PARL: variants seen among roughly 807,000 people sequenced by gnomAD.
PARL encodes the protein presenilin associated rhomboid like.
A neutral mutation model predicts 51.6 loss-of-function variants in PARL; 44 were observed. That is an observed-to-expected ratio of 0.85 (90% CI 0.67 to 1.10). PARL has a LOEUF of 1.10. Among genes scored for constraint, PARL ranks in the 50% least tolerant of loss-of-function variants. The pLI is 0.00. For missense variants in PARL, 441 were observed against 469.5 expected (o/e 0.94, Z 0.56); for synonymous variants, 172 against 164.0 (o/e 1.05, Z -0.37).
chr3:183,826,696 C>T (rs1319584609), downstream of PARL: 1 of 985,146 alleles, frequency 1.0e-6, no homozygotes, highest in Non-Finnish European at 1.2e-6. Flanking sequence ...CATGTCCCAG[C>T]AGGCAGCAGG....
At chr3:183,864,171 T>C (rs1328244812) in intron 3 of PARL, among the ~76,000 whole-genome samples, 1 of 152,210 alleles carries the variant, frequency 6.6e-6, no homozygotes, top group African/African-American at 2.4e-5. Context: ...ATAAAGCCTC[T>C]CTAACACAGA....
chr3:183,852,401 G>GA (rs913941057), intron 4 of PARL, among the ~76,000 whole-genome samples: 16 of 151,114 alleles, frequency 1.1e-4, no homozygotes, highest in African/African-American at 2.4e-4. Flanking sequence ...GGACCAAAAA[G>GA]AAAAAAAAAT....
At position 183,862,884 on chromosome 3, in the gene PARL, C is replaced by T. The variant is rs1732003060; in HGVS notation, c.463-83G>A. 1.1e-5 allele frequency: 12 copies of T among 1,046,584 alleles called. No individual in the cohort carries two copies. The Middle Eastern group carries it at 1.0e-3, about 87-fold the overall frequency. The allele number at this position is 1,046,584 out of a possible 1,614,324, so 64.8% of individuals were successfully genotyped here. On this transcript the variant is annotated intron_variant, in intron 3 of 9. Transcript: ENST00000317096. ...AAAAACCAGAAGAAAATGCCTCGCA[C>T]ATAAGAGGAATTCCTCTTCTGCAAA...
intron 9 of PARL, among the ~76,000 whole-genome samples, chr3:183,830,453 G>A (rs935745797): frequency 2.6e-5 from 4 of 152,192 alleles, no homozygotes; most frequent in Admixed American, 2.0e-4. Flanking sequence ...AGCACACTGC[G>A]CTCTGGGAAG....
At chr3:183,859,326 G>GT (rs2108656478) in intron 4 of PARL, among the ~76,000 whole-genome samples, 1 of 152,162 alleles carries the variant, frequency 6.6e-6, no homozygotes, top group Non-Finnish European at 1.5e-5. Flanking sequence ...GGCATCAGCT[G>GT]TAAGAAGGGG....
rs1560442485 is a variant in PARL, at chr3:183,882,269, T to TTTA, written c.125+2452_125+2453insTAA. Among the ~76,000 whole-genome samples, 214 of 30,476 alleles carry TTTA rather than the reference T, an allele frequency of 7.0e-3. 5 individuals carry two copies. The highest frequency in any genetic ancestry group is 0.025 in the Admixed American group (61 of 2,398). The allele number at this position is 30,476 out of a possible 152,430, so 20.0% of individuals were successfully genotyped here. ...TTTATATATATATATATATATATAT[T>TTTA]TATATATATATATACACACACACAT... is the stretch of plus-strand genomic sequence containing the variant. On this transcript the variant is annotated intron_variant, in intron 1 of 9. Transcript: ENST00000317096.
chr3:183,853,131 G>A (rs1256955724), intron 4 of PARL, among the ~76,000 whole-genome samples: 1 of 152,058 alleles, frequency 6.6e-6, no homozygotes, highest in African/African-American at 2.4e-5. Context: ...AGACAACTGG[G>A]ACTATATCAA....
intron 1 of PARL, among the ~76,000 whole-genome samples, chr3:183,875,248 C>T (rs1185086734): frequency 1.3e-5 from 2 of 151,890 alleles, no homozygotes; most frequent in Non-Finnish European, 2.9e-5. Flanking sequence ...AACTCCATCT[C>T]TACTAAAAAT....
chr3:183,856,255 C>A (rs187492046), intron 4 of PARL, among the ~76,000 whole-genome samples: 87 of 152,256 alleles, frequency 5.7e-4, no homozygotes, highest in Non-Finnish European at 9.7e-4. Context: ...ACTTACCATA[C>A]CACTTGGGGT....
chr3:183,851,565 A>C (rs1366224208), intron 4 of PARL, among the ~76,000 whole-genome samples: 2 of 152,206 alleles, frequency 1.3e-5, no homozygotes, highest in African/African-American at 4.8e-5. Context: ...TTAGTCATTA[A>C]GGAAAGGCAA....
intron 1 of PARL, among the ~76,000 whole-genome samples, chr3:183,875,275 C>T (rs906258876): frequency 6.6e-6 from 1 of 151,740 alleles, no homozygotes. Flanking sequence ...ATTACCTGGG[C>T]GTGGTGGCGG....
chr3:183,836,344 T>C (rs1437383755), intron 7 of PARL, among the ~76,000 whole-genome samples: 3 of 151,968 alleles, frequency 2.0e-5, no homozygotes, highest in Non-Finnish European at 2.9e-5. Flanking sequence ...GGAACGCTGG[T>C]TTTTTTGTGA....
chr3:183,860,582 GAA>G (rs941441675), intron 4 of PARL, among the ~76,000 whole-genome samples: 3 of 152,118 alleles, frequency 2.0e-5, no homozygotes, highest in African/African-American at 7.2e-5. Context: ...TTTCAAAAAA[GAA>G]AAAGACTAGG....
chr3:183,842,165 T>A, intron 6 of PARL, 133 bp downstream of exon 6: 3 of 937,446 alleles, frequency 3.2e-6, no homozygotes, highest in Non-Finnish European at 5.2e-6. Flanking sequence ...CTTCTCTACA[T>A]ACACTGTGAG....
intron 7 of PARL, among the ~76,000 whole-genome samples, chr3:183,837,124 T>C (rs1005842364): frequency 3.3e-5 from 5 of 152,192 alleles, no homozygotes; most frequent in African/African-American, 1.2e-4. Context: ...ATAATTTAAG[T>C]GAATCTGCTC....
chr3:183,869,528 ATAATAATGTATAT>A (rs1732928873), intron 1 of PARL, among the ~76,000 whole-genome samples: 1 of 151,962 alleles, frequency 6.6e-6, no homozygotes, highest in Non-Finnish European at 1.5e-5. Flanking sequence ...ATTATAAGGG[ATAATAATGTATAT>A]TATTATTATT....
rs140456327 is a variant in PARL, at chr3:183,846,218, C to T, written c.512-1892G>A. Among the ~76,000 whole-genome samples the T allele has an allele frequency of 2.3e-4, 35 of 152,160 alleles. No individual in the cohort carries two copies. The East Asian group carries it at 5.8e-3, about 25-fold the overall frequency. ...AAAAATGAAAGATAAAGGCCGGGTG[C>T]GGTGGCTCACGTCTGTAATCCCAGC... On this transcript the variant is annotated intron_variant, in intron 4 of 9. Transcript: ENST00000317096.
intron 9 of PARL, among the ~76,000 whole-genome samples, chr3:183,830,773 C>T (rs1005142002): frequency 7.2e-5 from 11 of 152,044 alleles, no homozygotes; most frequent in Non-Finnish European, 1.6e-4. Context: ...TTGATTTGTA[C>T]CTGAATCTTA....
intron 6 of PARL, among the ~76,000 whole-genome samples, chr3:183,841,600 T>C (rs2108608924): frequency 6.6e-6 from 1 of 152,336 alleles, no homozygotes; most frequent in South Asian, 2.1e-4. Context: ...TGTTTCTAAA[T>C]GTAGAGATTT....
Sources: gnomAD v4.1 joint callset for allele counts (sites outside exome capture counted in the v4.1 genomes callset) on GRCh38, gnomAD v4.1.1 for gene constraint, MANE v1.5 for transcripts, NCBI Gene and HGNC (gene_info 2026-07-23, HGNC 2026-07-21) for gene names.